The following NBAS variants were observed in gnomAD, a reference collection of about 807,000 sequenced individuals.
NBAS encodes NBAS subunit of NRZ tethering complex.
In NBAS, 219 loss-of-function variants were observed where a neutral mutation model predicts 302.5. The ratio of observed to expected loss-of-function variants is 0.72; its 90% confidence interval spans 0.65 to 0.81. NBAS has a LOEUF of 0.81. Among genes scored for constraint, NBAS ranks in the 30% least tolerant of loss-of-function variants. The pLI, the probability that NBAS is intolerant of heterozygous loss-of-function variation, is 0.00. For missense variants in NBAS, 2,932 were observed against 2,841.6 expected (o/e 1.03, Z -0.72); for synonymous variants, 1,118 against 1,021.6 (o/e 1.09, Z -1.80).
At chr2:15,285,808 C>A (rs751514407) in intron 42 of NBAS, among the ~76,000 whole-genome samples, 7 of 152,134 alleles carry the variant, frequency 4.6e-5, no homozygotes, top group Admixed American at 3.3e-4. Context: ...GTGCCTGCCA[C>A]CATACTCAGC....
chr2:15,432,727 T>G (rs1338040076), intron 21 of NBAS, among the ~76,000 whole-genome samples: 3 of 152,106 alleles, frequency 2.0e-5, no homozygotes, highest in Admixed American at 2.0e-4. Context: ...ATAAAAATAA[T>G]AATACTTGGG....
the NBAS span, among the ~76,000 whole-genome samples, chr2:14,857,168 A>G: frequency 6.6e-6 from 1 of 152,162 alleles, no homozygotes; most frequent in African/African-American, 2.4e-5. Context: ...TAAGGGAAAT[A>G]GAAGAGGACA....
At chr2:15,133,464 G>A in the NBAS span, among the ~76,000 whole-genome samples, 1 of 152,200 alleles carries the variant, frequency 6.6e-6, no homozygotes, top group Admixed American at 6.5e-5. Context: ...TAGCAAAGGT[G>A]TCAAACTGGG....
intron 3 of NBAS, among the ~76,000 whole-genome samples, chr2:15,556,269 C>T (rs1664642089): frequency 6.6e-6 from 1 of 152,106 alleles, no homozygotes; most frequent in Non-Finnish European, 1.5e-5. Context: ...ACACATGTAT[C>T]TAAAAGCAGA....
intron 28 of NBAS, among the ~76,000 whole-genome samples, chr2:15,386,204 C>T (rs929776648): frequency 6.6e-6 from 1 of 152,042 alleles, no homozygotes; most frequent in African/African-American, 2.4e-5. Context: ...CGTATAGCTG[C>T]AAGAGACAGT....
the NBAS span, among the ~76,000 whole-genome samples, chr2:15,103,568 A>C: frequency 6.6e-6 from 1 of 152,206 alleles, no homozygotes; most frequent in African/African-American, 2.4e-5. Flanking sequence ...TTTTTTGGGA[A>C]GATGGACCGT....
At chr2:15,410,821 C>T (rs1278731843) in intron 25 of NBAS, among the ~76,000 whole-genome samples, 1 of 152,162 alleles carries the variant, frequency 6.6e-6, no homozygotes, top group Admixed American at 6.5e-5. Flanking sequence ...GTGCTCCTTT[C>T]TTCTGGAAGT....
At chr2:15,002,813 G>A in the NBAS span, among the ~76,000 whole-genome samples, 8 of 152,206 alleles carry the variant, frequency 5.3e-5, no homozygotes, top group South Asian at 2.1e-4. Flanking sequence ...CCGGCAGGGC[G>A]GGTCAGCTGC....
intron 38 of NBAS, among the ~76,000 whole-genome samples, chr2:15,316,185 T>C (rs898572300): frequency 6.6e-6 from 1 of 152,230 alleles, no homozygotes; most frequent in Non-Finnish European, 1.5e-5. Flanking sequence ...AAACCTTGAA[T>C]ATAAAGCATT....
At chr2:15,281,568 T>C (rs1669826687) in intron 42 of NBAS, among the ~76,000 whole-genome samples, 1 of 152,158 alleles carries the variant, frequency 6.6e-6, no homozygotes, top group African/African-American at 2.4e-5. Flanking sequence ...CTAATACATA[T>C]CAGGTATTCT....
the NBAS span, among the ~76,000 whole-genome samples, chr2:14,929,966 G>C: frequency 6.6e-6 from 1 of 152,158 alleles, no homozygotes; most frequent in Non-Finnish European, 1.5e-5. Context: ...TTGTTTAAAA[G>C]TGTGTAGCAC....
At chr2:15,090,293 A>T in the NBAS span, among the ~76,000 whole-genome samples, 5 of 152,338 alleles carry the variant, frequency 3.3e-5, no homozygotes, top group East Asian at 5.8e-4. Context: ...TCTGTCCTCC[A>T]TGTGTGAATC....
chr2:15,446,674 A>T (rs751088622), intron 21 of NBAS, among the ~76,000 whole-genome samples: 1 of 152,216 alleles, frequency 6.6e-6, no homozygotes, highest in Non-Finnish European at 1.5e-5. Context: ...TACTGATAAG[A>T]GCAAAAATAA....
At chr2:15,311,004 A>G (rs534066044) in intron 38 of NBAS, among the ~76,000 whole-genome samples, 2 of 152,362 alleles carry the variant, frequency 1.3e-5, no homozygotes, top group South Asian at 4.1e-4. Flanking sequence ...TGTCAGAACC[A>G]GAAAGTCCTG....
the NBAS span, among the ~76,000 whole-genome samples, chr2:14,915,833 T>C: frequency 2.0e-5 from 3 of 152,274 alleles, no homozygotes; most frequent in African/African-American, 7.2e-5. Context: ...GTGTTGGGAT[T>C]ACAGGCATGA....
chr2:15,412,781 G>T (rs370134260), intron 25 of NBAS, among the ~76,000 whole-genome samples: 2 of 152,118 alleles, frequency 1.3e-5, no homozygotes, highest in Non-Finnish European at 2.9e-5. Context: ...AGCCATGAAG[G>T]GGGGGCTCTT....
chr2:15,081,983 A>T, the NBAS span, among the ~76,000 whole-genome samples: 1 of 152,340 alleles, frequency 6.6e-6, no homozygotes, highest in South Asian at 2.1e-4. Flanking sequence ...CAGTTTCCAC[A>T]TCTGTGAAAT....
At chr2:15,514,468 C>T (rs1662293276) in intron 9 of NBAS, among the ~76,000 whole-genome samples, 1 of 152,020 alleles carries the variant, frequency 6.6e-6, no homozygotes, top group Non-Finnish European at 1.5e-5. Context: ...AACTAGTAAC[C>T]TACTATTTAA....
chr2:15,495,149 G>C (rs1681016760), intron 11 of NBAS, among the ~76,000 whole-genome samples: 1 of 152,150 alleles, frequency 6.6e-6, no homozygotes, highest in South Asian at 2.1e-4. Context: ...CACTCCAATA[G>C]CAGGAGCGTG....
Sources: allele counts gnomAD v4.1 joint callset (sites outside exome capture counted in the v4.1 genomes callset), GRCh38; gene constraint gnomAD v4.1.1; transcripts MANE v1.5; gene names NCBI Gene and HGNC (gene_info 2026-07-23, HGNC 2026-07-21).